Variants in CEP192 observed in about 807,000 individuals in gnomAD.
CEP192 encodes centrosomal protein of 192 kDa.
A neutral mutation model predicts 271.8 loss-of-function variants in CEP192; 151 were observed. That is an observed-to-expected ratio of 0.56 (90% confidence interval 0.49 to 0.64). The LOEUF is 0.64. Among genes scored for constraint, CEP192 ranks in the 30% least tolerant of loss-of-function variants. CEP192 has a pLI of 0.00. For synonymous variants in CEP192, 995 were observed against 1,076.5 expected, an observed-to-expected ratio of 0.92 and a Z score of 1.48; for missense variants, 2,910 against 3,020.5, an observed-to-expected ratio of 0.96 and a Z score of 0.86.
Position 13,100,606 on chromosome 18 carries a change from T to G in CEP192, c.6871+94T>G, listed in dbSNP as rs994528061. On this transcript the variant is annotated intron_variant, in intron 38 of 44. Coordinates refer to ENST00000506447, the MANE Select transcript of CEP192 (RefSeq NM_032142.4). The stretch of plus-strand genomic sequence containing the variant: ...CCATAAGTTGGTGATAAATATAAAT[T>G]TCCTCCTACTTCAGGAGAAAAGTGG... 1.2e-5 allele frequency: 12 copies of G among 961,582 alleles called. No individual in the cohort carries two copies. In the African/African-American group the frequency reaches 2.0e-4, roughly 16 times the overall value. The allele number at this position is 961,582 out of a possible 1,614,324, so 59.6% of individuals were successfully genotyped here.
At chr18:13,006,516 C>T (rs915050662) in intron 3 of CEP192, among the ~76,000 whole-genome samples, 6 of 152,206 alleles carry the variant, frequency 3.9e-5, no homozygotes, top group Non-Finnish European at 7.3e-5. Flanking sequence ...TTGACTGTAA[C>T]AGCTACATGG....
At chr18:13,090,993 G>T (rs1183542508) in intron 33 of CEP192, among the ~76,000 whole-genome samples, 1 of 152,216 alleles carries the variant, frequency 6.6e-6, no homozygotes, top group Admixed American at 6.5e-5. Context: ...ATGGACACTG[G>T]ATGCAGAGGT....
In CEP192 at chr18:13,068,939, G is replaced by C; in HGVS notation, c.4910G>C (p.Ser1637Thr). ...CCTACGCCCGTTCTTAGAAGTGTGAGTCTCCGAGCAAGAGCAGGAATAGCT... is the reference window on the plus strand; with the variant it reads ...CCTACGCCCGTTCTTAGAAGTGTGACTCTCCGAGCAAGAGCAGGAATAGCT... ...PNPTPVLRSV[S>T]LRARAGIARI... Residue 1637 changes from serine (S) to threonine (T), a missense_variant, in exon 25 of 45, where the codon AGT becomes ACT. By Grantham distance (58) the Ser-to-Thr change is moderately conservative. Transcript: ENST00000506447. 1 of 1,614,188 alleles carries C rather than the reference G, an allele frequency of 6.2e-7. No homozygotes were observed.
At chr18:13,123,044 T>C (rs1329553263) in intron 44 of CEP192, among the ~76,000 whole-genome samples, 2 of 152,236 alleles carry the variant, frequency 1.3e-5, no homozygotes, top group African/African-American at 2.4e-5. Flanking sequence ...TACTTAAATT[T>C]TCAGGTTAAT....
intron 40 of CEP192, among the ~76,000 whole-genome samples, chr18:13,105,974 C>T (rs764133526): frequency 6.6e-6 from 1 of 152,276 alleles, no homozygotes; most frequent in Admixed American, 6.5e-5. Context: ...CCAATCAAAA[C>T]CCCAGCTGGG....
intron 11 of CEP192, 21 bp from the exon 12 acceptor site, chr18:13,037,216 A>C: frequency 9.7e-7 from 1 of 1,031,682 alleles, no homozygotes; most frequent in Non-Finnish European, 1.5e-6. Context: ...TAATGTATTT[A>C]TATAAACATT....
At chr18:13,047,498 C>A (rs932809173) in intron 15 of CEP192, among the ~76,000 whole-genome samples, 2 of 152,176 alleles carry the variant, frequency 1.3e-5, no homozygotes, top group Non-Finnish European at 2.9e-5. Context: ...GGAACAGCAT[C>A]CCCAGTGTTG....
chr18:13,065,156 T>G (rs1037628961), intron 21 of CEP192, among the ~76,000 whole-genome samples: 1 of 150,886 alleles, frequency 6.6e-6, no homozygotes, highest in Non-Finnish European at 1.5e-5. Flanking sequence ...TGAAAGTTTT[T>G]TAATCAGTTC....
intron 21 of CEP192, among the ~76,000 whole-genome samples, chr18:13,066,541 C>T (rs1389782860): frequency 6.6e-6 from 1 of 152,188 alleles, no homozygotes; most frequent in African/African-American, 2.4e-5. Context: ...CTTGAGAGTA[C>T]TTTTGCAGAA....
chr18:13,124,531 C>A (rs771451764), intron 44 of CEP192, 101 bp from the exon 45 acceptor site: 28 of 1,125,986 alleles, frequency 2.5e-5, no homozygotes, highest in Non-Finnish European at 3.0e-5. Flanking sequence ...GTGGCTTGAC[C>A]GAGCTCTTTC....
rs2037824902 is a variant in CEP192 at position 13,068,341 on chromosome 18, T to C, written c.4759-18T>C. 1 of 1,608,840 alleles carries C rather than the reference T, an allele frequency of 6.2e-7. No homozygotes were observed. Among genetic ancestry groups the C allele is most frequent in the Admixed American group, 1.7e-5 (1 of 59,464 alleles). On this transcript the variant is annotated intron_variant, in intron 23 of 44. Coordinates refer to ENST00000506447, the MANE Select transcript of CEP192 (RefSeq NM_032142.4). ...ATACCAGTTTACATTAAGACAAATT[T>C]TTCTTTTAATTTTATAGGATCCAGA...
intron 39 of CEP192, 33 bp downstream of exon 39, chr18:13,103,621 T>C: frequency 6.7e-7 from 1 of 1,483,914 alleles, no homozygotes; most frequent in South Asian, 1.1e-5. Context: ...ATAATCGTTT[T>C]AATGTTTAGA....
At chr18:13,032,967 C>T (rs1358692186) in intron 11 of CEP192, among the ~76,000 whole-genome samples, 2 of 152,216 alleles carry the variant, frequency 1.3e-5, no homozygotes, top group Non-Finnish European at 2.9e-5. Flanking sequence ...GGGCAATGCA[C>T]TCCTGCAGAG....
At chr18:13,020,208 C>G (rs1185126308) in intron 9 of CEP192, among the ~76,000 whole-genome samples, 2 of 152,166 alleles carry the variant, frequency 1.3e-5, no homozygotes, top group Admixed American at 6.5e-5. Flanking sequence ...AAAACAAACT[C>G]TACCCATTAA....
intron 42 of CEP192, among the ~76,000 whole-genome samples, chr18:13,115,205 C>T (rs577323134): frequency 7.2e-5 from 11 of 152,342 alleles, no homozygotes; most frequent in African/African-American, 1.9e-4. Context: ...CTGAGCCCCG[C>T]GCCTCCACAG....
At chr18:13,082,746 G>T (rs2038687657) in intron 30 of CEP192, among the ~76,000 whole-genome samples, 1 of 152,080 alleles carries the variant, frequency 6.6e-6, no homozygotes. Context: ...GCATGTTTTT[G>T]CAGTGGCTAG....
rs1191002273 is a variant in CEP192, at chr18:13,012,994, T to G, written c.488T>G (p.Leu163Ter). 1 of 1,516,200 alleles carries G rather than the reference T, an allele frequency of 6.6e-7. No homozygotes were observed. Among genetic ancestry groups the G allele is most frequent in the Non-Finnish European group, 9.0e-7 (1 of 1,117,070 alleles). The allele number at this position is 1,516,200 out of a possible 1,614,324, so 93.9% of individuals were successfully genotyped here. A position where few individuals can be genotyped will look rare whatever the true frequency, so the allele number is the denominator to read the frequency against. Residue 163 changes from leucine to a stop codon, truncating the protein, a stop_gained, in exon 5 of 45, where the codon TTA (leucine) becomes TGA (stop). Coordinates refer to ENST00000506447, the MANE Select transcript of CEP192 (RefSeq NM_032142.4). LOFTEE classifies it high-confidence loss of function. ...ACAGACTCACCTATTGATTTTCATTTACAGTCATGGATGAATAATAAGGAA... is the reference window on the plus strand; with the variant it reads ...ACAGACTCACCTATTGATTTTCATTGACAGTCATGGATGAATAATAAGGAA... ...QAQDSPIDFH[L>*]QSWMNNKEPK...
intron 44 of CEP192, among the ~76,000 whole-genome samples, chr18:13,120,737 C>T (rs1438942022): frequency 6.6e-6 from 1 of 152,190 alleles, no homozygotes; most frequent in African/African-American, 2.4e-5. Flanking sequence ...TCGATATTAA[C>T]TATCACTATA....
intron 21 of CEP192, among the ~76,000 whole-genome samples, chr18:13,066,673 A>G (rs1332413565): frequency 6.6e-6 from 1 of 152,166 alleles, no homozygotes; most frequent in Non-Finnish European, 1.5e-5. Context: ...CTCTCTGGAC[A>G]GGTTCCTTGT....
Sources: allele counts gnomAD v4.1 joint callset (sites outside exome capture counted in the v4.1 genomes callset), GRCh38; gene constraint gnomAD v4.1.1; transcripts MANE v1.5; gene names NCBI Gene and HGNC (gene_info 2026-07-23, HGNC 2026-07-21).